SMYD3: variants seen among roughly 807,000 people sequenced by gnomAD.
SMYD3 encodes the protein SET and MYND domain containing 3.
A neutral mutation model predicts 57.7 loss-of-function variants in SMYD3; 36 were observed. That is an observed-to-expected ratio of 0.62 (90% confidence interval 0.48 to 0.82). The LOEUF (loss-of-function observed/expected upper bound fraction) is 0.82, where lower values mean the gene tolerates loss of function less well. Ranked by LOEUF, SMYD3 falls within the 40% of genes least tolerant of loss-of-function variation. The pLI is 0.00. For synonymous variants in SMYD3, 211 were observed against 195.0 expected (o/e 1.08, Z -0.68); for missense variants, 515 against 538.8 (o/e 0.96, Z 0.44).
chr1:245,848,631 T>G (rs1269292926), intron 10 of SMYD3, among the ~76,000 whole-genome samples: 1 of 151,520 alleles, frequency 6.6e-6, no homozygotes, highest in African/African-American at 2.4e-5. Flanking sequence ...AGGTCTGTCT[T>G]GAACTCCTGG....
intron 8 of SMYD3, among the ~76,000 whole-genome samples, chr1:245,905,899 C>T (rs1365622945): frequency 6.6e-6 from 1 of 152,210 alleles, no homozygotes; most frequent in African/African-American, 2.4e-5. Flanking sequence ...ATAGAAAAGA[C>T]AGTCTCTTCA....
intron 10 of SMYD3, among the ~76,000 whole-genome samples, chr1:245,811,721 G>A (rs1318642000): frequency 1.3e-5 from 2 of 152,080 alleles, no homozygotes; most frequent in Non-Finnish European, 2.9e-5. Flanking sequence ...AATCACAAAT[G>A]GCCAATAACC....
At chr1:246,349,707 G>C (rs1387702671) in intron 2 of SMYD3, among the ~76,000 whole-genome samples, 1 of 152,188 alleles carries the variant, frequency 6.6e-6, no homozygotes, top group Non-Finnish European at 1.5e-5. Flanking sequence ...TTATTTGAGA[G>C]TAAACTTGGA....
At chr1:246,394,222 T>C (rs921199253) in intron 1 of SMYD3, among the ~76,000 whole-genome samples, 2 of 152,254 alleles carry the variant, frequency 1.3e-5, no homozygotes, top group African/African-American at 4.8e-5. Context: ...GTAGTATGTA[T>C]AACTGACAAA....
At chr1:245,911,369 G>T (rs1412683436) in intron 8 of SMYD3, among the ~76,000 whole-genome samples, 1 of 151,838 alleles carries the variant, frequency 6.6e-6, no homozygotes, top group Non-Finnish European at 1.5e-5. Flanking sequence ...GTTGGATATA[G>T]ATCCAAAAGA....
intron 5 of SMYD3, among the ~76,000 whole-genome samples, chr1:245,931,785 G>A (rs2056738875): frequency 6.6e-6 from 1 of 152,192 alleles, no homozygotes; most frequent in African/African-American, 2.4e-5. Context: ...AAAACACACT[G>A]AGTCCTCTGA....
At chr1:245,965,066 A>G (rs2058105564) in intron 5 of SMYD3, among the ~76,000 whole-genome samples, 1 of 152,160 alleles carries the variant, frequency 6.6e-6, no homozygotes, top group Non-Finnish European at 1.5e-5. Flanking sequence ...GAAAAAAAAT[A>G]TTTAAAAAAA....
chr1:246,083,284 A>C (rs569327012), intron 5 of SMYD3, among the ~76,000 whole-genome samples: 16 of 152,320 alleles, frequency 1.1e-4, no homozygotes, highest in African/African-American at 3.8e-4. Context: ...GAGGTGGGAC[A>C]TGCGGGCAGC....
chr1:246,282,053 C>T (rs913799577), intron 5 of SMYD3, among the ~76,000 whole-genome samples: 2 of 152,048 alleles, frequency 1.3e-5, no homozygotes, highest in Non-Finnish European at 2.9e-5. Flanking sequence ...AATAGTTCTG[C>T]AAGACGGGGA....
At chr1:246,422,427 T>C (rs2067157234) in intron 1 of SMYD3, among the ~76,000 whole-genome samples, 1 of 152,014 alleles carries the variant, frequency 6.6e-6, no homozygotes, top group Non-Finnish European at 1.5e-5. Flanking sequence ...TGCCTTTTTT[T>C]TTAATTTATT....
Position 246,023,494 on chromosome 1 carries a change from TG to T in SMYD3, c.532-93558del, listed in dbSNP as rs1558159232. ...CCCACAGTTTTCAGTAGAAAAGAGT[TG>T]TTCTTTCCCATTTTCCAAAATCATT... is the stretch of plus-strand genomic sequence containing the variant. On this transcript the variant is annotated intron_variant, in intron 5 of 11. Coordinates refer to ENST00000490107, the MANE Select transcript of SMYD3 (RefSeq NM_001167740.2). Among the ~76,000 whole-genome samples the T allele has an allele frequency of 2.0e-5, 3 of 152,224 alleles. No homozygotes were observed. The South Asian group carries it at 6.2e-4, about 32-fold the overall frequency.
chr1:245,839,253 T>C (rs933384413), intron 10 of SMYD3, among the ~76,000 whole-genome samples: 1 of 152,182 alleles, frequency 6.6e-6, no homozygotes, highest in Non-Finnish European at 1.5e-5. Context: ...CACTGCAAGC[T>C]CCGCCTCCCG....
chr1:246,059,549 T>C lies in SMYD3; in HGVS notation c.532-129612A>G, dbSNP rs11801003. Among the ~76,000 whole-genome samples, 625 of 152,314 alleles carry C rather than the reference T, an allele frequency of 4.1e-3. 2 individuals carry two copies. The highest frequency in any genetic ancestry group is 6.6e-3 in the Non-Finnish European group (450 of 68,022). ...GCCAGCCATTGCCATGCCCAAGTGC[T>C]GCATATCTTGTGAGTCTAAACTGAA... On this transcript the variant is annotated intron_variant, in intron 5 of 11. Transcript: ENST00000490107.
chr1:245,958,715 C>T (rs1384403861), intron 5 of SMYD3, among the ~76,000 whole-genome samples: 1 of 152,166 alleles, frequency 6.6e-6, no homozygotes, highest in Non-Finnish European at 1.5e-5. Context: ...TTTTATCCTA[C>T]TTTGTATCTC....
At chr1:246,071,830 A>C (rs1236615679) in intron 5 of SMYD3, among the ~76,000 whole-genome samples, 492 of 116,298 alleles carry the variant, frequency 4.2e-3, no homozygotes, top group African/African-American at 0.018. Flanking sequence ...CTCACTGTGG[A>C]TGCTTCCTGT....
At chr1:245,896,970 G>A (rs937180814) in intron 8 of SMYD3, among the ~76,000 whole-genome samples, 1 of 152,186 alleles carries the variant, frequency 6.6e-6, no homozygotes. Context: ...AACACTGAGT[G>A]AAATGCAATG....
intron 1 of SMYD3, among the ~76,000 whole-genome samples, chr1:246,419,093 C>CTCCCCACA (rs1473887327): frequency 1.3e-5 from 2 of 152,244 alleles, no homozygotes; most frequent in Admixed American, 1.3e-4. Flanking sequence ...TTGTAATATC[C>CTCCCCACA]TCCCCACACT....
chr1:246,328,646 T>C (rs888740723), intron 4 of SMYD3, among the ~76,000 whole-genome samples: 39 of 151,346 alleles, frequency 2.6e-4, no homozygotes, highest in African/African-American at 9.5e-4. Flanking sequence ...GCTTGTTAAT[T>C]TTTTTTTGAT....
intron 10 of SMYD3, among the ~76,000 whole-genome samples, chr1:245,834,833 A>C (rs2050025134): frequency 6.6e-6 from 1 of 152,128 alleles, no homozygotes; most frequent in Non-Finnish European, 1.5e-5. Context: ...TGTCCCACTA[A>C]ATGACAGCAG....
Sources: allele counts gnomAD v4.1 joint callset (sites outside exome capture counted in the v4.1 genomes callset), GRCh38; gene constraint gnomAD v4.1.1; transcripts MANE v1.5; gene names NCBI Gene and HGNC (gene_info 2026-07-23, HGNC 2026-07-21).